Variants in JAKMIP2 observed in about 807,000 individuals in gnomAD.
The protein encoded by JAKMIP2 is janus kinase and microtubule interacting protein 2.
A neutral mutation model predicts 115.0 loss-of-function variants in JAKMIP2; 25 were observed. The observed-to-expected ratio is 0.22, with a 90% confidence interval of 0.16 to 0.30. The LOEUF is 0.30. Among genes scored for constraint, JAKMIP2 ranks in the 10% least tolerant of loss-of-function variants. The pLI, the probability that JAKMIP2 is intolerant of heterozygous loss-of-function variation, is 1.00. For synonymous variants in JAKMIP2, 334 were observed against 343.6 expected, an observed-to-expected ratio of 0.97 and a Z score of 0.31; for missense variants, 642 against 957.6, an observed-to-expected ratio of 0.67 and a Z score of 4.35.
intron 1 of JAKMIP2, among the ~76,000 whole-genome samples, chr5:147,751,257 T>TTG (rs1754546544): frequency 1.5e-5 from 1 of 68,358 alleles, no homozygotes. Context: ...TTTGTTGTTG[T>TTG]TTTTTTTTTT....
intron 2 of JAKMIP2, among the ~76,000 whole-genome samples, chr5:147,668,310 G>A (rs1759402730): frequency 6.6e-6 from 1 of 152,152 alleles, no homozygotes; most frequent in Non-Finnish European, 1.5e-5. Context: ...AAAAAGCCCT[G>A]GGGCAGCCCG....
intron 1 of JAKMIP2, among the ~76,000 whole-genome samples, chr5:147,767,721 T>C (rs934526053): frequency 6.6e-6 from 1 of 152,180 alleles, no homozygotes; most frequent in Admixed American, 6.6e-5. Context: ...CCAATATTTC[T>C]CATGCATATG....
intron 1 of JAKMIP2, among the ~76,000 whole-genome samples, chr5:147,772,451 A>G (rs1755395507): frequency 6.6e-6 from 1 of 152,016 alleles, no homozygotes; most frequent in African/African-American, 2.4e-5. Context: ...GGGGCAGGCT[A>G]GGGATTTGAA....
intron 1 of JAKMIP2, among the ~76,000 whole-genome samples, chr5:147,735,305 G>T (rs1753879036): frequency 1.3e-5 from 2 of 152,104 alleles, no homozygotes; most frequent in Non-Finnish European, 2.9e-5. Flanking sequence ...GTTGCTTATT[G>T]TATTAGTCTG....
At chr5:147,706,545 G>C (rs1265459228) in intron 1 of JAKMIP2, among the ~76,000 whole-genome samples, 1 of 151,966 alleles carries the variant, frequency 6.6e-6, no homozygotes, top group African/African-American at 2.4e-5. Flanking sequence ...CTTTAAAAAA[G>C]AAAGCAAAAA....
intron 1 of JAKMIP2, among the ~76,000 whole-genome samples, chr5:147,681,336 A>T (rs1760262545): frequency 1.3e-5 from 2 of 152,156 alleles, no homozygotes; most frequent in Non-Finnish European, 2.9e-5. Flanking sequence ...CAAACCCTTG[A>T]CTTTGCTCAT....
Position 147,639,721 on chromosome 5 carries a change from A to G in JAKMIP2, c.1441T>C (p.Leu481=), listed in dbSNP as rs1757788648. ...AEESELRFRQ[L]TKEYQALQRA... ...TGGAGGGCCTGATATTCTTTTGTTA[A>G]TTGTCGAAATCTTAGTTCAGATTCT... Residue 481 remains leucine (L), a synonymous_variant, in exon 10 of 22, where the codon TTA becomes CTA. Coordinates refer to ENST00000616793, the MANE Select transcript of JAKMIP2 (RefSeq NM_001270941.2). 1.9e-6 allele frequency: 3 copies of G among 1,613,860 alleles called. No homozygotes were observed. Among genetic ancestry groups the G allele is most frequent in the South Asian group, 1.1e-5 (1 of 91,054 alleles).
At chr5:147,674,553 C>T (rs896854706) in intron 1 of JAKMIP2, among the ~76,000 whole-genome samples, 3 of 152,096 alleles carry the variant, frequency 2.0e-5, no homozygotes, top group Non-Finnish European at 4.4e-5. Context: ...GCATGATAGG[C>T]TAGGGAGTTT....
At chr5:147,722,542 T>C (rs2126947119) in intron 1 of JAKMIP2, among the ~76,000 whole-genome samples, 1 of 152,274 alleles carries the variant, frequency 6.6e-6, no homozygotes, top group East Asian at 1.9e-4. Context: ...TTATTTATAT[T>C]TTGTCTCATT....
At chr5:147,649,279 G>A (rs138737684) in intron 4 of JAKMIP2, among the ~76,000 whole-genome samples, 1 of 152,176 alleles carries the variant, frequency 6.6e-6, no homozygotes, top group East Asian at 1.9e-4. Context: ...ATTCAGATAG[G>A]TAATAACTCC....
chr5:147,726,108 T>C (rs1753506267), intron 1 of JAKMIP2, among the ~76,000 whole-genome samples: 1 of 152,160 alleles, frequency 6.6e-6, no homozygotes, highest in Non-Finnish European at 1.5e-5. Flanking sequence ...TTATATCTTT[T>C]CTGTTACTCA....
At chr5:147,635,884 A>G (rs576879073) in intron 12 of JAKMIP2, among the ~76,000 whole-genome samples, 39 of 152,304 alleles carry the variant, frequency 2.6e-4, no homozygotes, top group Non-Finnish European at 4.7e-4. Flanking sequence ...TGTTGTAGAT[A>G]AACAACTACA....
intron 1 of JAKMIP2, among the ~76,000 whole-genome samples, chr5:147,688,328 T>C (rs1760669672): frequency 6.6e-6 from 1 of 152,196 alleles, no homozygotes; most frequent in South Asian, 2.1e-4. Flanking sequence ...ATATTTTTCC[T>C]ATGTGAAATA....
chr5:147,719,956 C>A (rs1217553127), intron 1 of JAKMIP2, among the ~76,000 whole-genome samples: 3 of 152,150 alleles, frequency 2.0e-5, no homozygotes, highest in Non-Finnish European at 4.4e-5. Context: ...ATGGTCTTTA[C>A]ATTTTGGCAT....
intron 1 of JAKMIP2, among the ~76,000 whole-genome samples, chr5:147,676,072 G>GC (rs1400506850): frequency 1.1e-4 from 16 of 152,090 alleles, no homozygotes; most frequent in Non-Finnish European, 1.6e-4. Context: ...GGTGGCTCAC[G>GC]CCTGCAATCC....
intron 3 of JAKMIP2, among the ~76,000 whole-genome samples, chr5:147,659,230 C>A (rs905090395): frequency 3.9e-5 from 6 of 152,120 alleles, no homozygotes; most frequent in Non-Finnish European, 8.8e-5. Context: ...ATGGGAAAAG[C>A]GTAGTACCTT....
intron 3 of JAKMIP2, among the ~76,000 whole-genome samples, chr5:147,656,478 G>A (rs560227819): frequency 2.0e-5 from 3 of 152,140 alleles, no homozygotes; most frequent in Non-Finnish European, 4.4e-5. Context: ...TTGGTTTAAA[G>A]TCTGTTTTAT....
chr5:147,736,665 C>G (rs1174165913), intron 1 of JAKMIP2, among the ~76,000 whole-genome samples: 2 of 151,432 alleles, frequency 1.3e-5, no homozygotes, highest in East Asian at 2.0e-4. Context: ...TTTATTTAAT[C>G]AAAACCCTGT....
In JAKMIP2 at chr5:147,598,037, C is replaced by T. The variant is rs148514587; in HGVS notation, c.*20+3704G>A. ...TTTTTGAGATGGGGTCTCATTTTGT[C>T]GCCCAGGCTGGAATGCAATGGTGCG... On this transcript the variant is annotated intron_variant, in intron 21 of 21. Coordinates refer to ENST00000616793, the MANE Select transcript of JAKMIP2 (RefSeq NM_001270941.2). Among the ~76,000 whole-genome samples, 1,021 of 151,068 alleles carry T rather than the reference C, an allele frequency of 6.8e-3. 17 individuals carry two copies. Among genetic ancestry groups the T allele is most frequent in the African/African-American group, 0.024 (975 of 41,052 alleles).
Sources: allele counts gnomAD v4.1 joint callset (sites outside exome capture counted in the v4.1 genomes callset), GRCh38; gene constraint gnomAD v4.1.1; transcripts MANE v1.5; gene names NCBI Gene and HGNC (gene_info 2026-07-23, HGNC 2026-07-21).